The following CNTNAP2 variants were observed in gnomAD, a reference collection of about 807,000 sequenced individuals.
CNTNAP2 encodes contactin-associated protein-like 2.
In CNTNAP2, 98 loss-of-function variants were observed where a neutral mutation model predicts 155.2. The ratio of observed to expected loss-of-function variants is 0.63; its 90% CI spans 0.54 to 0.75. The LOEUF is 0.75. CNTNAP2 is among the 30% of genes least tolerant of loss of function. The pLI, the probability that CNTNAP2 is intolerant of heterozygous loss-of-function variation, is 0.00. For synonymous variants in CNTNAP2, 651 were observed against 631.2 expected (o/e 1.03, Z -0.47); for missense variants, 1,727 against 1,688.1 (o/e 1.02, Z -0.40).
Position 146,721,398 on chromosome 7 carries a change from C to CATTCTATATAT in CNTNAP2, c.98-52860_98-52850dup, listed in dbSNP as rs1275692440. On this transcript the variant is annotated intron_variant, in intron 1 of 23. Coordinates refer to ENST00000361727, the MANE Select transcript of CNTNAP2 (RefSeq NM_014141.6). The stretch of plus-strand genomic sequence containing the variant: ...ATACATTCTATATACATTCTATATA[C>CATTCTATATAT]ATTCTATATATATTCTATATATACA... 3.7e-5 allele frequency among the ~76,000 whole-genome samples: 4 copies of CATTCTATATAT among 107,844 alleles called. 1 individual carries two copies. Among genetic ancestry groups the CATTCTATATAT allele is most frequent in the African/African-American group, 1.2e-4 (3 of 24,994 alleles). 70.7% of individuals were successfully genotyped at this position (107,844 alleles called of 152,430 possible).
In CNTNAP2 at chr7:146,151,704, A is replaced by ATG. The variant is rs1562969140; in HGVS notation, c.97+34732_97+34733insGT. ...TATGTATATATATATATATGTATAT[A>ATG]TATATATATGTATATATATATATGC... On this transcript the variant is annotated intron_variant, in intron 1 of 23. Coordinates refer to ENST00000361727, the MANE Select transcript of CNTNAP2 (RefSeq NM_014141.6). Among the ~76,000 whole-genome samples, 9 of 63,466 alleles carry ATG rather than the reference A, an allele frequency of 1.4e-4. 2 individuals are homozygous for ATG. Among genetic ancestry groups the ATG allele is most frequent in the African/African-American group, 4.7e-4 (5 of 10,672 alleles). The allele number at this position is 63,466 out of a possible 152,430, so 41.6% of individuals were successfully genotyped here.
At chr7:146,880,069 G>A (rs1021421573) in intron 3 of CNTNAP2, among the ~76,000 whole-genome samples, 1 of 152,016 alleles carries the variant, frequency 6.6e-6, no homozygotes, top group African/African-American at 2.4e-5. Flanking sequence ...TTTCCCACCT[G>A]GTCCCTCCCA....
intron 10 of CNTNAP2, among the ~76,000 whole-genome samples, chr7:147,455,366 G>A (rs1331003687): frequency 6.6e-6 from 1 of 151,974 alleles, no homozygotes; most frequent in East Asian, 1.9e-4. Flanking sequence ...TTAATAAGGG[G>A]TAAACAAAGA....
intron 14 of CNTNAP2, among the ~76,000 whole-genome samples, chr7:147,954,569 T>C (rs1031734761): frequency 2.0e-5 from 3 of 152,198 alleles, no homozygotes; most frequent in Admixed American, 1.3e-4. Flanking sequence ...CATCTTGTTC[T>C]TCTATATATT....
intron 14 of CNTNAP2, among the ~76,000 whole-genome samples, chr7:147,975,723 C>T (rs1023183827): frequency 1.3e-5 from 2 of 152,104 alleles, no homozygotes; most frequent in Admixed American, 1.3e-4. Flanking sequence ...TTTCTGTCCT[C>T]TTGCATGTTT....
At chr7:147,999,595 C>T (rs1053065264) in intron 15 of CNTNAP2, among the ~76,000 whole-genome samples, 1 of 152,060 alleles carries the variant, frequency 6.6e-6, no homozygotes, top group East Asian at 1.9e-4. Flanking sequence ...ATGTTGAAGT[C>T]GTATCCCCTC....
chr7:146,223,540 T>C (rs1326225417), intron 1 of CNTNAP2, among the ~76,000 whole-genome samples: 1 of 152,142 alleles, frequency 6.6e-6, no homozygotes, highest in African/African-American at 2.4e-5. Context: ...ATGAGGAGTT[T>C]GATTTCCTTA....
chr7:146,473,532 C>T (rs1193559457), intron 1 of CNTNAP2, among the ~76,000 whole-genome samples: 2 of 152,040 alleles, frequency 1.3e-5, no homozygotes, highest in African/African-American at 4.8e-5. Flanking sequence ...TGATCTAAAC[C>T]ATCTCTTGAT....
In CNTNAP2 at chr7:147,903,616, A is replaced by G; in HGVS notation, c.2150A>G (p.Tyr717Cys). Residue 717 changes from tyrosine to cysteine, a missense_variant, in exon 14 of 24, where the codon TAC becomes TGC. Physicochemically the swap from Tyr to Cys is radical, Grantham distance 194. Coordinates refer to ENST00000361727, the MANE Select transcript of CNTNAP2 (RefSeq NM_014141.6). ...GGCAAAGCCAACGAGAAGCACTACT[A>G]CTGGGGAGGCTCTGGGCCTGGAATC... The part of the protein sequence containing the change: ...WVGKANEKHY[Y>C]WGGSGPGIQK... 1.2e-6 allele frequency: 2 copies of G among 1,614,184 alleles called. No homozygotes were observed. The highest frequency in any genetic ancestry group is 1.7e-6 in the Non-Finnish European group (2 of 1,180,014).
chr7:147,703,020 A>G (rs1321359198), intron 13 of CNTNAP2, among the ~76,000 whole-genome samples: 2 of 151,580 alleles, frequency 1.3e-5, no homozygotes, highest in African/African-American at 2.4e-5. Context: ...TGTTCAAGCA[A>G]TGGTAAGAAG....
chr7:147,046,756 G>A lies in CNTNAP2; in HGVS notation c.550+2702G>A, dbSNP rs184055379. On this transcript the variant is annotated intron_variant, in intron 4 of 23. Coordinates refer to ENST00000361727, the MANE Select transcript of CNTNAP2 (RefSeq NM_014141.6). Reference sequence around the variant, plus strand: ...TATTGTTTAAAAGTTTAGGCCGGGCGCGGTGGCTCACACCTGTAATCCCAG... The same window carrying A: ...TATTGTTTAAAAGTTTAGGCCGGGCACGGTGGCTCACACCTGTAATCCCAG... Among the ~76,000 whole-genome samples, 259 of 152,146 alleles carry A rather than the reference G, an allele frequency of 1.7e-3. 1 individual carries two copies. Among genetic ancestry groups the A allele is most frequent in the African/African-American group, 3.8e-3 (157 of 41,530 alleles).
rs144901415 is a variant in CNTNAP2, at chr7:147,490,500, C to G, written c.1777+4459C>G. On this transcript the variant is annotated intron_variant, in intron 11 of 23. Coordinates refer to ENST00000361727, the MANE Select transcript of CNTNAP2 (RefSeq NM_014141.6). Reference sequence around the variant, plus strand: ...ACCATGTTGTTGATAATCCATTTCACCTATAATTGATATAATTCAAAGAAT... The same window carrying G: ...ACCATGTTGTTGATAATCCATTTCAGCTATAATTGATATAATTCAAAGAAT... Among the ~76,000 whole-genome samples, 9 of 152,200 alleles carry G rather than the reference C, an allele frequency of 5.9e-5. No individual in the cohort carries two copies. The East Asian group carries it at 1.2e-3, about 20-fold the overall frequency.
intron 8 of CNTNAP2, among the ~76,000 whole-genome samples, chr7:147,236,747 G>A (rs1430934217): frequency 2.0e-5 from 3 of 151,924 alleles, no homozygotes; most frequent in Non-Finnish European, 2.9e-5. Flanking sequence ...GCAGAAACCT[G>A]GGACTCACCT....
chr7:148,126,260 G>T (rs967613277), intron 16 of CNTNAP2, among the ~76,000 whole-genome samples: 9 of 152,108 alleles, frequency 5.9e-5, no homozygotes, highest in African/African-American at 1.9e-4. Context: ...ATGCTGCGAG[G>T]GTTACGGAAC....
In CNTNAP2 at chr7:146,848,173, T is replaced by C. The variant is rs187006648; in HGVS notation, c.402+8269T>C. ...GATCTACTGATCAGAATCTACAGTT[T>C]AGGAAGACTCACAAGTGATTCATAT... On this transcript the variant is annotated intron_variant, in intron 3 of 23. Transcript: ENST00000361727. 1.1e-4 allele frequency among the ~76,000 whole-genome samples: 16 copies of C among 152,290 alleles called. No individual in the cohort carries two copies. The East Asian group carries it at 3.1e-3, about 29-fold the overall frequency.
chr7:148,094,742 T>C (rs1274051322), intron 15 of CNTNAP2, among the ~76,000 whole-genome samples: 1 of 152,220 alleles, frequency 6.6e-6, no homozygotes, highest in African/African-American at 2.4e-5. Flanking sequence ...GAAGCCACTC[T>C]TGGCTGAGCG....
chr7:147,946,303 C>CT (rs1165969283), intron 14 of CNTNAP2, among the ~76,000 whole-genome samples: 4 of 151,272 alleles, frequency 2.6e-5, no homozygotes, highest in East Asian at 1.9e-4. Flanking sequence ...GCCATGTTTA[C>CT]TTTTTTTTTG....
intron 1 of CNTNAP2, among the ~76,000 whole-genome samples, chr7:146,357,910 C>T: frequency 9.2e-6 from 1 of 108,382 alleles, no homozygotes; most frequent in South Asian, 2.3e-4. Flanking sequence ...TAAAAGAATG[C>T]ACCCCGCCCC....
At chr7:147,567,218 AT>A (rs1422973820) in intron 12 of CNTNAP2, among the ~76,000 whole-genome samples, 4 of 152,140 alleles carry the variant, frequency 2.6e-5, no homozygotes, top group Non-Finnish European at 5.9e-5. Flanking sequence ...CACCAGCAAA[AT>A]CTTCCCCAAA....
Sources: gnomAD v4.1 joint callset for allele counts (sites outside exome capture counted in the v4.1 genomes callset) on GRCh38, gnomAD v4.1.1 for gene constraint, MANE v1.5 for transcripts, NCBI Gene and HGNC (gene_info 2026-07-23, HGNC 2026-07-21) for gene names.